Variants in GFOD1 observed in about 807,000 individuals in gnomAD.
The protein encoded by GFOD1 is glucose-fructose oxidoreductase domain-containing protein 1.
In GFOD1, 9 loss-of-function variants were observed where a neutral mutation model predicts 25.4. That is an observed-to-expected ratio of 0.35 (90% confidence interval 0.21 to 0.62). The LOEUF (loss-of-function observed/expected upper bound fraction) is 0.62. GFOD1 is among the 20% of genes least tolerant of loss of function. GFOD1 has a pLI of 0.72. For synonymous variants in GFOD1, 253 were observed against 245.6 expected (o/e 1.03, Z -0.28); for missense variants, 403 against 556.9 (o/e 0.72, Z 2.78).
rs1050804025 is a variant in GFOD1 at position 13,444,650 on chromosome 6, G to A, written c.253+41988C>T. 5.9e-5 allele frequency among the ~76,000 whole-genome samples: 9 copies of A among 151,778 alleles called. No individual in the cohort carries two copies. The South Asian group carries it at 6.2e-4, about 11-fold the overall frequency. On this transcript the variant is annotated intron_variant, in intron 1 of 1. Transcript: ENST00000379287. ...AATTATTTAATATTTAATATAGAAC[G>A]TTTTATGTCTAAGTAACTGGAAACT...
chr6:13,393,419 AGCCTTTATAGTC>A (rs1343797869), intron 1 of GFOD1, among the ~76,000 whole-genome samples: 2 of 149,490 alleles, frequency 1.3e-5, no homozygotes, highest in Non-Finnish European at 3.0e-5. Flanking sequence ...ATGGGACAGA[AGCCTTTATAGTC>A]ATGCCCCTTC....
intron 1 of GFOD1, among the ~76,000 whole-genome samples, chr6:13,482,445 G>A (rs1758773181): frequency 6.6e-6 from 1 of 151,974 alleles, no homozygotes; most frequent in African/African-American, 2.4e-5. Context: ...TGTGTAAAAG[G>A]TTTTTAAAAT....
chr6:13,410,428 G>A (rs1003753951), intron 1 of GFOD1, among the ~76,000 whole-genome samples: 2 of 151,984 alleles, frequency 1.3e-5, no homozygotes, highest in East Asian at 3.9e-4. Context: ...TTAGCTGGGG[G>A]TGGTGGTGCA....
Position 13,364,407 on chromosome 6 carries a change from TGAGG to T in GFOD1, c.*332_*335del. On this transcript the variant is annotated 3_prime_UTR_variant, in exon 2 of 2. Transcript: ENST00000379287. The surrounding 1 kb of genome is among the most constrained non-coding windows in gnomAD (Gnocchi z 4.1). ...AGAAGGCCAAGGTGTGTGGGATGGA[TGAGG>T]TAGGGAGGGAAGCAACCCCTCCTTG... 1.4e-5 allele frequency: 4 copies of T among 290,274 alleles called. No homozygotes were observed. The highest frequency in any genetic ancestry group is 7.1e-5 in the East Asian group (1 of 13,998). The allele number at this position is 290,274 out of a possible 1,614,324, so 18.0% of individuals were successfully genotyped here.
chr6:13,413,473 C>T (rs566526428), intron 1 of GFOD1, among the ~76,000 whole-genome samples: 17 of 152,334 alleles, frequency 1.1e-4, no homozygotes, highest in East Asian at 5.8e-4. Context: ...GAAAAACCAA[C>T]GTGATCCTCT....
intron 1 of GFOD1, among the ~76,000 whole-genome samples, chr6:13,404,065 AAAC>A (rs1785901753): frequency 6.6e-6 from 1 of 152,268 alleles, no homozygotes; most frequent in African/African-American, 2.4e-5. Flanking sequence ...GTTAAAAAGT[AAAC>A]AACGATAGTT....
chr6:13,386,718 C>T (rs939083282), intron 1 of GFOD1, among the ~76,000 whole-genome samples: 2 of 152,034 alleles, frequency 1.3e-5, no homozygotes, highest in African/African-American at 4.8e-5. Context: ...CAGGTGTAGA[C>T]TTCATGTGCA....
At chr6:13,398,990 T>G (rs1368365390) in intron 1 of GFOD1, among the ~76,000 whole-genome samples, 2 of 152,202 alleles carry the variant, frequency 1.3e-5, no homozygotes, top group Non-Finnish European at 2.9e-5. Flanking sequence ...AGACAAGCAC[T>G]TTACTACTTT....
At chr6:13,410,577 G>GGGGAGAGA (rs1398916063) in intron 1 of GFOD1, among the ~76,000 whole-genome samples, 7 of 128,184 alleles carry the variant, frequency 5.5e-5, no homozygotes, top group Non-Finnish European at 1.1e-4. Flanking sequence ...AAGAAAGAAA[G>GGGGAGAGA]GAGAGAGAGA....
At chr6:13,456,656 T>C (rs1307346340) in intron 1 of GFOD1, among the ~76,000 whole-genome samples, 1 of 152,184 alleles carries the variant, frequency 6.6e-6, no homozygotes, top group Non-Finnish European at 1.5e-5. Context: ...ACTGCTCTCT[T>C]ACTGCAGGTG....
chr6:13,461,875 C>T (rs75904535), intron 1 of GFOD1, among the ~76,000 whole-genome samples: 13,931 of 152,214 alleles, frequency 0.092, 811 homozygotes, highest in Non-Finnish European at 0.13. Flanking sequence ...GCACCAAGAA[C>T]GCCACTTGCA....
At chr6:13,469,972 T>A (rs1758456223) in intron 1 of GFOD1, 3 of 1,309,006 alleles carry the variant, frequency 2.3e-6, no homozygotes, top group African/African-American at 3.0e-5. Flanking sequence ...GATGATGAGT[T>A]CTCTCAGAGC....
Position 13,383,189 on chromosome 6 carries a change from T to C in GFOD1, c.254-17527A>G, listed in dbSNP as rs541664731. Among the ~76,000 whole-genome samples the C allele has an allele frequency of 2.6e-5, 4 of 152,312 alleles. No homozygotes were observed. In the South Asian group the frequency reaches 8.3e-4, roughly 32 times the overall value. On this transcript the variant is annotated intron_variant, in intron 1 of 1. Transcript: ENST00000379287. ...TATTCCTTTGTAATCCCACAAACAT[T>C]TATTAAGAACCTACTGGAGAAAAGA... is the stretch of plus-strand genomic sequence containing the variant.
chr6:13,460,245 G>T (rs149914533), intron 1 of GFOD1, among the ~76,000 whole-genome samples: 1 of 152,338 alleles, frequency 6.6e-6, no homozygotes, highest in East Asian at 1.9e-4. Flanking sequence ...CATTGTGGAA[G>T]ACACTGTGGT....
At chr6:13,479,230 G>A (rs1192546639) in intron 1 of GFOD1, among the ~76,000 whole-genome samples, 2 of 152,100 alleles carry the variant, frequency 1.3e-5, no homozygotes, top group African/African-American at 4.8e-5. Flanking sequence ...AACTGCATTA[G>A]GGCAAAGTAA....
chr6:13,455,563 A>C (rs1243939013), intron 1 of GFOD1, among the ~76,000 whole-genome samples: 1 of 152,214 alleles, frequency 6.6e-6, no homozygotes, highest in Non-Finnish European at 1.5e-5. Flanking sequence ...CAAAGGAGTA[A>C]ACATTAAGCC....
chr6:13,471,415 C>T (rs1310337394), intron 1 of GFOD1, among the ~76,000 whole-genome samples: 4 of 152,150 alleles, frequency 2.6e-5, no homozygotes, highest in African/African-American at 9.7e-5. Context: ...CATCACCCCA[C>T]CCAGGTCCGT....
intron 1 of GFOD1, among the ~76,000 whole-genome samples, chr6:13,443,977 T>A (rs1010772234): frequency 4.6e-5 from 7 of 152,004 alleles, no homozygotes; most frequent in African/African-American, 1.5e-4. Flanking sequence ...TGTAGCAAAT[T>A]AAAATATTTG....
In GFOD1 at chr6:13,358,933, C is replaced by T. The variant is rs570238968; in HGVS notation, c.*5810G>A. The stretch of plus-strand genomic sequence containing the variant: ...GGAGGCTGAATGAGAGCCACAGTTT[C>T]GGTGGCCCCCTCAAGGGCTCCAGCA... On this transcript the variant is annotated 3_prime_UTR_variant, in exon 2 of 2. Transcript: ENST00000379287. 8 of 152,470 alleles carry T rather than the reference C, an allele frequency of 5.2e-5. No homozygotes were observed. The South Asian group carries it at 8.3e-4, about 16-fold the overall frequency. The allele number at this position is 152,470 out of a possible 1,614,324, so 9.4% of individuals were successfully genotyped here. A position where few individuals can be genotyped will look rare whatever the true frequency, so the allele number is the denominator to read the frequency against.
Sources: allele counts gnomAD v4.1 joint callset (sites outside exome capture counted in the v4.1 genomes callset), GRCh38; gene constraint gnomAD v4.1.1; non-coding constraint Gnocchi (gnomAD v3.1); transcripts MANE v1.5; gene names NCBI Gene and HGNC (gene_info 2026-07-23, HGNC 2026-07-21).